LYRM4: variants seen among roughly 807,000 people sequenced by gnomAD.
LYRM4 encodes the protein LYR motif containing 4, also known as LYR motif-containing protein 4.
A neutral mutation model predicts 11.7 loss-of-function variants in LYRM4; 9 were observed. The observed-to-expected ratio is 0.77, with a 90% CI of 0.46 to 1.34. The LOEUF (loss-of-function observed/expected upper bound fraction) is 1.34. Among genes scored for constraint, LYRM4 ranks in the 40% most tolerant of loss-of-function variants. The pLI, the probability that LYRM4 is intolerant of heterozygous loss-of-function variation, is 0.00. For synonymous variants in LYRM4, 42 were observed against 40.4 expected (o/e 1.04, Z -0.15); for missense variants, 133 against 112.5 (o/e 1.18, Z -0.82).
intron 2 of LYRM4, among the ~76,000 whole-genome samples, chr6:5,174,944 T>C (rs889181825): frequency 1.3e-5 from 2 of 152,250 alleles, no homozygotes; most frequent in African/African-American, 4.8e-5. Flanking sequence ...CTTAGACACA[T>C]CACACACGTA....
chr6:5,170,289 G>A (rs1010926806), intron 2 of LYRM4, among the ~76,000 whole-genome samples: 2 of 152,240 alleles, frequency 1.3e-5, no homozygotes, highest in East Asian at 3.9e-4. Context: ...CAATCATTAG[G>A]AAATAGCTAG....
the LYRM4 span, chr6:5,085,883 A>T: frequency 6.5e-7 from 1 of 1,531,474 alleles, no homozygotes; most frequent in Non-Finnish European, 8.7e-7. Flanking sequence ...AAGCGGGTGC[A>T]GTTCGCGGAC....
At chr6:5,071,660 CAG>C in the LYRM4 span, among the ~76,000 whole-genome samples, 51 of 151,886 alleles carry the variant, frequency 3.4e-4, no homozygotes, top group East Asian at 2.9e-3. Flanking sequence ...ATATATATGA[CAG>C]AGTTTTGCTC....
the LYRM4 span, chr6:5,085,973 G>A: frequency 6.5e-7 from 1 of 1,527,114 alleles, no homozygotes; most frequent in East Asian, 2.5e-5. Context: ...GTGCTCTCGC[G>A]CCTCCGAAGC....
At chr6:5,257,280 C>T (rs999080189) in intron 1 of LYRM4, among the ~76,000 whole-genome samples, 6 of 152,152 alleles carry the variant, frequency 3.9e-5, no homozygotes, top group Admixed American at 6.5e-5. Context: ...ACTTACCTCC[C>T]TGGCAGTGCT....
At chr6:5,159,596 C>G (rs1571564) in intron 2 of LYRM4, among the ~76,000 whole-genome samples, 120,123 of 152,168 alleles carry the variant, frequency 0.79, 47,633 homozygotes, top group East Asian at 0.93. Context: ...CCCATCTCAA[C>G]CTCTCTCCAG....
the LYRM4 span, among the ~76,000 whole-genome samples, chr6:5,068,965 C>T: frequency 6.6e-6 from 1 of 152,042 alleles, no homozygotes; most frequent in East Asian, 1.9e-4. The surrounding 1 kb of genome is among the most constrained non-coding windows in gnomAD (Gnocchi z 4.0). Flanking sequence ...CTCTAATAGG[C>T]GGTCTTTTCA....
the LYRM4 span, among the ~76,000 whole-genome samples, chr6:5,058,455 C>T: frequency 6.6e-6 from 1 of 152,228 alleles, no homozygotes; most frequent in East Asian, 1.9e-4. Context: ...ACCACAGCCA[C>T]AGGGCCACAG....
chr6:5,156,470 C>T (rs1156817236), intron 2 of LYRM4, among the ~76,000 whole-genome samples: 2 of 152,182 alleles, frequency 1.3e-5, no homozygotes, highest in African/African-American at 4.8e-5. Context: ...AGCCAATCCA[C>T]TGGTAGCAGA....
At chr6:5,165,921 A>T (rs964225916) in intron 2 of LYRM4, among the ~76,000 whole-genome samples, 1 of 152,232 alleles carries the variant, frequency 6.6e-6, no homozygotes, top group Non-Finnish European at 1.5e-5. Flanking sequence ...ATAATTCACT[A>T]AAAAATTCTC....
chr6:5,134,774 T>C (rs889546725), intron 2 of LYRM4, among the ~76,000 whole-genome samples: 1 of 152,206 alleles, frequency 6.6e-6, no homozygotes, highest in Admixed American at 6.5e-5. Flanking sequence ...TAATAACAGG[T>C]TAAACAGCAA....
At chr6:5,218,199 G>A (rs1265567597) in intron 1 of LYRM4, 2 of 947,990 alleles carry the variant, frequency 2.1e-6, no homozygotes, top group African/African-American at 3.5e-5. Context: ...ACACCACAGT[G>A]CCTGGCTCTC....
At chr6:5,107,428 TTAG>T (rs1762694799), downstream of LYRM4, 1 of 152,222 alleles carries the variant, frequency 6.6e-6, no homozygotes, top group African/African-American at 2.4e-5. Flanking sequence ...GTGCCGTGCG[TTAG>T]TAGCGTGGTT....
At chr6:5,048,513 T>C in the LYRM4 span, among the ~76,000 whole-genome samples, 1 of 152,190 alleles carries the variant, frequency 6.6e-6, no homozygotes, top group South Asian at 2.1e-4. Flanking sequence ...CAGGGTTGGT[T>C]GCCCAGGCTG....
the LYRM4 span, among the ~76,000 whole-genome samples, chr6:5,046,313 A>AT: frequency 3.3e-5 from 5 of 151,950 alleles, no homozygotes; most frequent in African/African-American, 1.2e-4. Context: ...CACCCGGCTA[A>AT]TTTTTTGTAT....
the LYRM4 span, among the ~76,000 whole-genome samples, chr6:5,078,562 G>A: frequency 1.3e-5 from 2 of 152,182 alleles, no homozygotes; most frequent in South Asian, 4.2e-4. Context: ...TGGCTAAATG[G>A]CTTCGGTTAA....
chr6:5,057,639 T>A, the LYRM4 span, among the ~76,000 whole-genome samples: 1 of 150,376 alleles, frequency 6.6e-6, no homozygotes, highest in East Asian at 2.0e-4. Context: ...CGCTTGAACC[T>A]GGGAGGCGGA....
In LYRM4 at chr6:5,144,277, A is replaced by C. The variant is rs1388864444; in HGVS notation, c.208-34786T>G. Reference sequence around the variant, plus strand: ...TGCTCAGCTACCTGCACTGAGATACAGGCAAGTCTTGGGTGAGGGCTAGCC... The same window carrying C: ...TGCTCAGCTACCTGCACTGAGATACCGGCAAGTCTTGGGTGAGGGCTAGCC... On this transcript the variant is annotated intron_variant, in intron 2 of 2. Transcript: ENST00000330636. 3.9e-6 allele frequency: 6 copies of C among 1,537,040 alleles called. No individual in the cohort carries two copies. The South Asian group carries it at 4.8e-5, about 12-fold the overall frequency.
rs535466456 is a variant in LYRM4 at position 5,181,658 on chromosome 6, C to T, written c.207+34960G>A. ...TGTGAGCAGATTCCATTCTTTCCCA[C>T]GGGCCATGCTCAACTGGCCTCCCTG... On this transcript the variant is annotated intron_variant, in intron 2 of 2. Coordinates refer to ENST00000330636, the MANE Select transcript of LYRM4 (RefSeq NM_020408.6). Among the ~76,000 whole-genome samples the T allele has an allele frequency of 1.2e-4, 18 of 152,248 alleles. No individual in the cohort carries two copies. In the East Asian group the frequency reaches 2.1e-3, roughly 18 times the overall value.
Sources: gnomAD v4.1 joint callset for allele counts (sites outside exome capture counted in the v4.1 genomes callset) on GRCh38, gnomAD v4.1.1 for gene constraint, Gnocchi (gnomAD v3.1) non-coding constraint, MANE v1.5 for transcripts, NCBI Gene and HGNC (gene_info 2026-07-23, HGNC 2026-07-21) for gene names.